FANCA: variants seen among roughly 807,000 people sequenced by gnomAD.
FANCA encodes the protein FA complementation group A, also known as Fanconi anemia group A protein.
In FANCA, 236 loss-of-function variants were observed where a neutral mutation model predicts 194.3. The ratio of observed to expected loss-of-function variants is 1.21; its 90% CI spans 1.09 to 1.35. The LOEUF is 1.35. Among genes scored for constraint, FANCA ranks in the 40% most tolerant of loss-of-function variants. The pLI, the probability that FANCA is intolerant of heterozygous loss-of-function variation, is 0.00. For missense variants in FANCA, 2,628 were observed against 1,813.9 expected, an observed-to-expected ratio of 1.45 and a Z score of -8.15; for synonymous variants, 1,014 against 715.8, an observed-to-expected ratio of 1.42 and a Z score of -6.65.
At position 89,816,643 on chromosome 16, in the gene FANCA, G is replaced by C. The variant is rs886052490; in HGVS notation, c.-28C>G. 5.9e-6 allele frequency: 9 copies of C among 1,514,230 alleles called. No homozygotes were observed. Among genetic ancestry groups the C allele is most frequent in the Admixed American group, 2.0e-5 (1 of 49,506 alleles). 93.8% of individuals were successfully genotyped at this position (1,514,230 alleles called of 1,614,324 possible). A position where few individuals can be genotyped will look rare whatever the true frequency, so the allele number is the denominator to read the frequency against. On this transcript the variant is annotated 5_prime_UTR_variant, in exon 1 of 43. Transcript: ENST00000389301. The stretch of plus-strand genomic sequence containing the variant: ...CCTTGGCGCCTACAGCCCCGGCGGC[G>C]GCTCCCTGCGCCCGAGCCCGCGCTG...
chr16:89,748,739 G>C lies in FANCA; in HGVS notation c.3268C>G (p.Leu1090Val). 2 of 1,614,098 alleles carry C rather than the reference G, an allele frequency of 1.2e-6. No individual in the cohort carries two copies. Residue 1090 changes from leucine (L) to valine (V), a missense_variant, in exon 33 of 43, where the codon CTC (leucine) becomes GTC (valine). Physicochemically the swap from Leu to Val is conservative, Grantham distance 32. Transcript: ENST00000389301. ...RILLRLPSSV[L>V]CGSSFQAEQP... ...TCTGCCTGGAAGCTGCTGCCGCAGA[G>C]GACAGACGAAGGCAGGCGGAGGAGG...
Position 89,779,944 on chromosome 16 carries a change from G to A in FANCA, c.1640C>T (p.Ala547Val), listed in dbSNP as rs550821697. Residue 547 changes from alanine to valine, a missense_variant, in exon 18 of 43, where the codon GCT becomes GTT. Ala to Val is a moderately conservative substitution (Grantham distance 64). Coordinates refer to ENST00000389301, the MANE Select transcript of FANCA (RefSeq NM_000135.4). Reference protein sequence around the residue: ...AGDITEPHSQALQDVEKAIMV... With the variant: ...AGDITEPHSQVLQDVEKAIMV... ...GATGGCCTTTTCAACATCCTGAAGA[G>A]CTTGGCTGTGGGGCTGGTTCCCATA... 109 of 1,614,062 alleles carry A rather than the reference G, an allele frequency of 6.8e-5. 1 individual carries two copies. In the South Asian group the frequency reaches 1.2e-3, roughly 18 times the overall value.
In FANCA at chr16:89,773,317, T is replaced by G. The variant is rs1225095556; in HGVS notation, c.1968A>C (p.Ala656=). ...AEEPLGQLTA[A]LGELRASMTD... The stretch of plus-strand genomic sequence containing the variant: ...TCATGGAGGCTCTCAGCTCTCCCAG[T>G]GCAGCTGTGAGCTGTCCCAGGGGCT... Residue 656 remains alanine (A), a synonymous_variant, in exon 22 of 43, where the codon GCA becomes GCC. Transcript: ENST00000389301. 1.3e-6 allele frequency: 2 copies of G among 1,551,570 alleles called. No homozygotes were observed. Among genetic ancestry groups the G allele is most frequent in the Admixed American group, 3.9e-5 (2 of 50,992 alleles).
At chr16:89,802,039 A>G (rs1482754027) in intron 8 of FANCA, among the ~76,000 whole-genome samples, 1 of 152,258 alleles carries the variant, frequency 6.6e-6, no homozygotes, top group African/African-American at 2.4e-5. Context: ...AATAGCCAAG[A>G]TATGAAATCA....
chr16:89,743,472 G>A (rs1248360994), intron 36 of FANCA, among the ~76,000 whole-genome samples: 5 of 152,156 alleles, frequency 3.3e-5, no homozygotes, highest in Non-Finnish European at 7.3e-5. Flanking sequence ...CAGGAGGATC[G>A]CTTAAGCCCA....
At chr16:89,756,597 G>C (rs572517356) in intron 30 of FANCA, among the ~76,000 whole-genome samples, 3 of 151,094 alleles carry the variant, frequency 2.0e-5, no homozygotes, top group Non-Finnish European at 4.4e-5. Flanking sequence ...CCCAGCCTGG[G>C]TGACAAAGAA....
chr16:89,770,577 C>T lies in FANCA; in HGVS notation c.2209G>A (p.Ala737Thr), dbSNP rs539161141. The change falls in exon 24 of 43, where the codon GCT (alanine) becomes ACT (threonine). Residue 737 changes from alanine to threonine, a missense_variant. Transcript: ENST00000389301. The stretch of plus-strand genomic sequence containing the variant: ...CCGCGCCTTCACCTCTCCGGGGGAG[C>T]GACACTGGAGGCAGCCATCAGGTTC... Reference protein sequence around the residue: ...CQNLMAASSVAPPERQGPWAA... With the variant: ...CQNLMAASSVTPPERQGPWAA... 2.9e-5 allele frequency: 47 copies of T among 1,610,330 alleles called. No homozygotes were observed. Among genetic ancestry groups the T allele is most frequent in the East Asian group, 6.7e-5 (3 of 44,752 alleles).
intron 8 of FANCA, among the ~76,000 whole-genome samples, chr16:89,800,151 G>A (rs1201404634): frequency 3.3e-5 from 5 of 152,248 alleles, no homozygotes; most frequent in South Asian, 4.1e-4. Flanking sequence ...CTGAGGCCAT[G>A]AGCCTAGGGC....
In FANCA at chr16:89,816,593, T is replaced by G; in HGVS notation, c.23A>C (p.Asn8Thr). The change falls in exon 1 of 43, where the codon AAC becomes ACC. Residue 8 changes from asparagine (N) to threonine (T), a missense_variant. Asn to Thr is a moderately conservative substitution (Grantham distance 65). Coordinates refer to ENST00000389301, the MANE Select transcript of FANCA (RefSeq NM_000135.4). Reference sequence around the variant, plus strand: ...CCCTGGGTCCTGGCCCGAGGCGGAGTTCGGGACCCACGAGTCGGACATGGC... The same window carrying G: ...CCCTGGGTCCTGGCCCGAGGCGGAGGTCGGGACCCACGAGTCGGACATGGC... MSDSWVPNSASGQDPGGR... is the reference protein window; with the variant it reads MSDSWVPTSASGQDPGGR... The G allele has an allele frequency of 6.5e-7, 1 of 1,526,882 alleles. No individual in the cohort carries two copies. The highest frequency in any genetic ancestry group is 8.7e-7 in the Non-Finnish European group (1 of 1,145,188). 94.6% of individuals were successfully genotyped at this position (1,526,882 alleles called of 1,614,324 possible).
chr16:89,747,175 A>C (rs1279761794), intron 33 of FANCA, among the ~76,000 whole-genome samples: 1 of 152,192 alleles, frequency 6.6e-6, no homozygotes, highest in Non-Finnish European at 1.5e-5. Flanking sequence ...GCCGCAGGGA[A>C]GGGGACGCAC....
At chr16:89,778,750 T>C (rs1311236920) in intron 20 of FANCA, 51 bp downstream of exon 20, 2 of 1,545,608 alleles carry the variant, frequency 1.3e-6, no homozygotes, top group South Asian at 1.1e-5. Context: ...TTCTTCGCAT[T>C]GTCAGAAGAA....
rs545742908 is a variant in FANCA, at chr16:89,742,867, G to A, written c.3698C>T (p.Ala1233Val). The change falls in exon 37 of 43, where the codon GCG becomes GTG. Residue 1233 changes from alanine to valine, a missense_variant. Coordinates refer to ENST00000389301, the MANE Select transcript of FANCA (RefSeq NM_000135.4). ...DWLSAAALHFAIQQVREENIR... is the reference protein window; with the variant it reads ...DWLSAAALHFVIQQVREENIR... ...GTTTTCTTCCCTGACTTGTTGAATC[G>A]CAAAGTGCAGTGCAGCAGCTGAGAG... 119 of 1,614,050 alleles carry A rather than the reference G, an allele frequency of 7.4e-5. No individual in the cohort carries two copies. The highest frequency in any genetic ancestry group is 9.4e-5 in the Non-Finnish European group (111 of 1,179,990).
At chr16:89,749,320 C>T (rs933396517) in intron 32 of FANCA, among the ~76,000 whole-genome samples, 2 of 152,218 alleles carry the variant, frequency 1.3e-5, no homozygotes, top group African/African-American at 4.8e-5. Context: ...TCACACCACT[C>T]TCCTGCCTCA....
chr16:89,740,377 T>C (rs1273199620), intron 38 of FANCA: 3 of 509,890 alleles, frequency 5.9e-6, no homozygotes, highest in Non-Finnish European at 1.1e-5. Context: ...CAGTGGCTCA[T>C]GCCTGTAATC....
chr16:89,764,356 A>C (rs563891883), intron 28 of FANCA, among the ~76,000 whole-genome samples: 2 of 152,222 alleles, frequency 1.3e-5, no homozygotes, highest in South Asian at 4.1e-4. Context: ...CCTGGCTGGA[A>C]TAGAGTGGCG....
chr16:89,773,904 G>A (rs959867945), intron 21 of FANCA, among the ~76,000 whole-genome samples: 7 of 151,760 alleles, frequency 4.6e-5, no homozygotes, highest in Admixed American at 3.9e-4. Context: ...CGAGTAGCTG[G>A]GACTACAGGC....
At chr16:89,757,584 A>T (rs1176936411) in intron 30 of FANCA, among the ~76,000 whole-genome samples, 1 of 152,224 alleles carries the variant, frequency 6.6e-6, no homozygotes, top group Non-Finnish European at 1.5e-5. Flanking sequence ...CGCAGGCAGG[A>T]GACATGGGGG....
At chr16:89,799,733 A>T in intron 8 of FANCA, 95 bp from the exon 9 acceptor site, 2 of 1,151,248 alleles carry the variant, frequency 1.7e-6, no homozygotes, top group Non-Finnish European at 2.6e-6. Flanking sequence ...GTTACTCTAA[A>T]GTAAAGAAAC....
At chr16:89,801,811 C>T (rs2040463667) in intron 8 of FANCA, among the ~76,000 whole-genome samples, 1 of 151,926 alleles carries the variant, frequency 6.6e-6, no homozygotes, top group South Asian at 2.1e-4. Flanking sequence ...TCGGTTGAAC[C>T]TGGGAGGCAG....
Sources: allele counts gnomAD v4.1 joint callset (sites outside exome capture counted in the v4.1 genomes callset), GRCh38; gene constraint gnomAD v4.1.1; transcripts MANE v1.5; gene names NCBI Gene and HGNC (gene_info 2026-07-23, HGNC 2026-07-21).